Variants in DIPK1A observed in about 807,000 individuals in gnomAD.
DIPK1A encodes divergent protein kinase domain 1A, also known as family with sequence similarity 69 member A.
DIPK1A carries 27 observed loss-of-function variants against 40.8 expected under a neutral mutation model. The ratio of observed to expected loss-of-function variants is 0.66; its 90% confidence interval spans 0.49 to 0.91. The LOEUF (loss-of-function observed/expected upper bound fraction) is 0.91, where lower values mean the gene tolerates loss of function less well. Among genes scored for constraint, DIPK1A ranks in the 40% least tolerant of loss-of-function variants. The pLI is 0.00. For missense variants in DIPK1A, 412 were observed against 505.7 expected, an observed-to-expected ratio of 0.81 and a Z score of 1.78; for synonymous variants, 166 against 171.3, an observed-to-expected ratio of 0.97 and a Z score of 0.24.
Position 92,855,823 on chromosome 1 carries a change from A to C in DIPK1A, c.190-4868T>G, listed in dbSNP as rs961586174. ...GCCAGGTGTGGTGGCTCACGTCGAT[A>C]ATCCCCAGCACTTTGGGAGGCTGAG... On this transcript the variant is annotated intron_variant, in intron 2 of 4. Transcript: ENST00000370310. Among the ~76,000 whole-genome samples the C allele has an allele frequency of 2.6e-5, 4 of 152,194 alleles. No homozygotes were observed. The South Asian group carries it at 6.2e-4, about 24-fold the overall frequency.
At position 92,897,879 on chromosome 1, in the gene DIPK1A, G is replaced by A. The variant is rs146337052; in HGVS notation, c.55-21449C>T. Among the ~76,000 whole-genome samples, 286 of 152,094 alleles carry A rather than the reference G, an allele frequency of 1.9e-3. 1 individual carries two copies. The highest frequency in any genetic ancestry group is 6.2e-3 in the Admixed American group (95 of 15,256). On this transcript the variant is annotated intron_variant, in intron 1 of 4. Coordinates refer to ENST00000370310, the MANE Select transcript of DIPK1A (RefSeq NM_001006605.5). ...TTTGGGATGCCAAAGCAGGTGGATCGCTTGAGGTCAGGAGTTCAAGACCAG... is the reference window on the plus strand; with the variant it reads ...TTTGGGATGCCAAAGCAGGTGGATCACTTGAGGTCAGGAGTTCAAGACCAG...
intron 1 of DIPK1A, among the ~76,000 whole-genome samples, chr1:92,903,997 T>C (rs1273107577): frequency 6.6e-6 from 1 of 152,218 alleles, no homozygotes; most frequent in African/African-American, 2.4e-5. Flanking sequence ...TAAAACCCTA[T>C]TTTGCAAAAC....
intron 3 of DIPK1A, among the ~76,000 whole-genome samples, chr1:92,848,165 G>A (rs1210837392): frequency 6.6e-6 from 1 of 151,932 alleles, no homozygotes; most frequent in Non-Finnish European, 1.5e-5. Flanking sequence ...AAAGAGCTGA[G>A]GTCTTTACCA....
In DIPK1A at chr1:92,835,789, A is replaced by G. The variant is rs1410660903; in HGVS notation, c.475-2755T>C. ...GATTTTGCCTTGTTTTTATTATCTG[A>G]GTTTTTTACCTTGTTTTGCAATGGA... On this transcript the variant is annotated intron_variant, in intron 4 of 4. Transcript: ENST00000615519. Among the ~76,000 whole-genome samples, 7 of 151,828 alleles carry G rather than the reference A, an allele frequency of 4.6e-5. No homozygotes were observed. In the South Asian group the frequency reaches 8.3e-4, roughly 18 times the overall value.
At chr1:92,887,695 T>C (rs1287403398) in intron 1 of DIPK1A, among the ~76,000 whole-genome samples, 1 of 152,190 alleles carries the variant, frequency 6.6e-6, no homozygotes, top group African/African-American at 2.4e-5. Context: ...TTATGCAGCG[T>C]TGCTGGGGTA....
chr1:92,843,829 C>T lies in DIPK1A; in HGVS notation c.841G>A (p.Asp281Asn). The change falls in exon 5 of 5, where the codon GAT (aspartate) becomes AAT (asparagine). Residue 281 changes from aspartate (D) to asparagine (N), a missense_variant. Transcript: ENST00000370310. ...IAIGLLEFVE[D>N]VFHGPYGNFL... ...TTTCCGTAGGGGCCATGGAAAACAT[C>T]TTCCACAAATTCTAGAAGTCCTATG... 1 of 1,551,880 alleles carries T rather than the reference C, an allele frequency of 6.4e-7. No individual in the cohort carries two copies. The highest frequency in any genetic ancestry group is 8.7e-7 in the Non-Finnish European group (1 of 1,147,040).
At chr1:92,908,003 G>C (rs535901971) in intron 1 of DIPK1A, among the ~76,000 whole-genome samples, 1 of 152,284 alleles carries the variant, frequency 6.6e-6, no homozygotes, top group South Asian at 2.1e-4. Context: ...TAGTGAGGAA[G>C]AAATCAAGTA....
intron 1 of DIPK1A, among the ~76,000 whole-genome samples, chr1:92,908,843 C>T (rs1158444392): frequency 6.6e-6 from 1 of 152,062 alleles, no homozygotes; most frequent in Non-Finnish European, 1.5e-5. Context: ...CTCCGCTGTC[C>T]CTAGAGCAGA....
intron 1 of DIPK1A, among the ~76,000 whole-genome samples, chr1:92,908,298 G>A (rs187227828): frequency 2.0e-4 from 30 of 152,196 alleles, no homozygotes; most frequent in African/African-American, 7.2e-4. Context: ...AGTGAGAAAA[G>A]GGTTTAGGAC....
At chr1:92,915,196 T>C (rs1471701494) in intron 1 of DIPK1A, among the ~76,000 whole-genome samples, 1 of 152,004 alleles carries the variant, frequency 6.6e-6, no homozygotes. Context: ...TATCTTCCCT[T>C]GCTCTCATAG....
downstream of DIPK1A, chr1:92,840,845 T>C (rs763979899): frequency 5.8e-6 from 4 of 694,338 alleles, no homozygotes; most frequent in East Asian, 1.1e-4. Context: ...TCTATCCTAG[T>C]ACAGTCTAAG....
At chr1:92,895,264 T>G (rs1474546666) in intron 1 of DIPK1A, among the ~76,000 whole-genome samples, 1 of 152,048 alleles carries the variant, frequency 6.6e-6, no homozygotes, top group Non-Finnish European at 1.5e-5. Flanking sequence ...AATAAAATAC[T>G]GGCAAACTGA....
At position 92,844,140 on chromosome 1, in the gene DIPK1A, A is replaced by G; in HGVS notation, c.530T>C (p.Val177Ala). Residue 177 changes from valine (V) to alanine (A), a missense_variant, in exon 5 of 5, where the codon GTG (valine) becomes GCG (alanine). Transcript: ENST00000370310. ...CTGGCCATCTTTGTCTCCATCAGCCACCGTCAAGATGAGATTAACCAGTTC... is the reference window on the plus strand; with the variant it reads ...CTGGCCATCTTTGTCTCCATCAGCCGCCGTCAAGATGAGATTAACCAGTTC... The part of the protein sequence containing the change: ...LSELVNLILT[V>A]ADGDKDGQVS... The G allele has an allele frequency of 3.9e-6, 6 of 1,551,726 alleles. No individual in the cohort carries two copies. The highest frequency in any genetic ancestry group is 3.5e-6 in the Non-Finnish European group (4 of 1,146,988).
At chr1:92,922,736 T>A (rs1650318114) in intron 1 of DIPK1A, among the ~76,000 whole-genome samples, 1 of 152,264 alleles carries the variant, frequency 6.6e-6, no homozygotes, top group African/African-American at 2.4e-5. Flanking sequence ...GAAGGCTATG[T>A]GCACAGCATA....
At chr1:92,856,300 A>C (rs947179653) in intron 2 of DIPK1A, among the ~76,000 whole-genome samples, 1 of 152,030 alleles carries the variant, frequency 6.6e-6, no homozygotes, top group Non-Finnish European at 1.5e-5. Context: ...ACAGGAACAA[A>C]CAAAAAAGCT....
At chr1:92,928,741 C>A (rs997546505) in intron 1 of DIPK1A, among the ~76,000 whole-genome samples, 1 of 152,138 alleles carries the variant, frequency 6.6e-6, no homozygotes, top group African/African-American at 2.4e-5. Flanking sequence ...GTGGGCAGAT[C>A]GCTTGAGCTC....
intron 1 of DIPK1A, among the ~76,000 whole-genome samples, chr1:92,942,910 G>A (rs190325582): frequency 1.1e-3 from 163 of 152,262 alleles, no homozygotes; most frequent in African/African-American, 3.8e-3. Flanking sequence ...TGATTCGCCC[G>A]CCTCGGCCTC....
intron 1 of DIPK1A, among the ~76,000 whole-genome samples, chr1:92,901,671 G>A (rs6673190): frequency 0.021 from 3,147 of 152,160 alleles, 98 homozygotes; most frequent in African/African-American, 0.065. Context: ...TGTATACCCT[G>A]AGATGGTGGG....
At chr1:92,938,759 A>G (rs1035540456) in intron 1 of DIPK1A, among the ~76,000 whole-genome samples, 1 of 152,184 alleles carries the variant, frequency 6.6e-6, no homozygotes, top group African/African-American at 2.4e-5. Flanking sequence ...AAACTGTCCT[A>G]TCAATCATCA....
Sources: gnomAD v4.1 joint callset for allele counts (sites outside exome capture counted in the v4.1 genomes callset) on GRCh38, gnomAD v4.1.1 for gene constraint, MANE v1.5 for transcripts, NCBI Gene and HGNC (gene_info 2026-07-23, HGNC 2026-07-21) for gene names.